FGD5: variants seen among roughly 807,000 people sequenced by gnomAD.
FGD5 encodes the protein FYVE, RhoGEF and PH domain-containing protein 5.
A neutral mutation model predicts 133.4 loss-of-function variants in FGD5; 28 were observed. The ratio of observed to expected loss-of-function variants is 0.21; its 90% CI spans 0.16 to 0.29. The LOEUF is 0.29. Among genes scored for constraint, FGD5 ranks in the 10% least tolerant of loss-of-function variants. The pLI, the probability that FGD5 is intolerant of heterozygous loss-of-function variation, is 1.00. For synonymous variants in FGD5, 810 were observed against 776.5 expected, an observed-to-expected ratio of 1.04 and a Z score of -0.72; for missense variants, 1,858 against 1,895.2, an observed-to-expected ratio of 0.98 and a Z score of 0.36.
intron 18 of FGD5, 137 bp downstream of exon 18, chr3:14,926,335 T>C: frequency 9.1e-7 from 1 of 1,103,630 alleles, no homozygotes; most frequent in Non-Finnish European, 1.3e-6. Flanking sequence ...AAGTCTTTAG[T>C]GAGCAATGCC....
At position 14,820,474 on chromosome 3, in the gene FGD5, G is replaced by A; in HGVS notation, c.1403G>A (p.Gly468Asp). 1 of 1,613,976 alleles carries A rather than the reference G, an allele frequency of 6.2e-7. No homozygotes were observed. Among genetic ancestry groups the A allele is most frequent in the South Asian group, 1.1e-5 (1 of 91,088 alleles). The change falls in exon 1 of 20, where the codon GGT becomes GAT. Residue 468 changes from glycine (G) to aspartate (D), a missense_variant. By Grantham distance (94) the Gly-to-Asp change is moderately conservative. This residue lies in a region of FGD5 where 1,824 missense variants were observed against 1,848.9 expected (regional missense o/e 0.99). Transcript: ENST00000285046. ...GAAGAATTGAACTGTGAGGCAGAGG[G>A]TGGCCTGGTTCCCGCGGACAGGAAG... Reference protein sequence around the residue: ...SKEELNCEAEGGLVPADRKNT... With the variant: ...SKEELNCEAEDGLVPADRKNT...
At chr3:14,862,753 T>TA (rs1458029805) in intron 1 of FGD5, among the ~76,000 whole-genome samples, 1 of 152,182 alleles carries the variant, frequency 6.6e-6, no homozygotes, top group Non-Finnish European at 1.5e-5. Context: ...TTTGCCTCTG[T>TA]ACACAAGTGT....
intron 1 of FGD5, among the ~76,000 whole-genome samples, chr3:14,812,197 G>A (rs1239230249): frequency 6.6e-6 from 1 of 152,172 alleles, no homozygotes; most frequent in Non-Finnish European, 1.5e-5. Context: ...CAGGCCCCTG[G>A]ACAGTTAGTG....
intron 1 of FGD5, among the ~76,000 whole-genome samples, chr3:14,854,128 CAG>C (rs1393841936): frequency 3.9e-5 from 6 of 151,940 alleles, no homozygotes; most frequent in African/African-American, 1.5e-4. Context: ...AGGTAAGAAA[CAG>C]AGAGGTTGAG....
rs764605423 is a variant in FGD5 at position 14,923,162 on chromosome 3, G to A, written c.3924G>A (p.Pro1308=). ...GELKKRGRAV[P]GLMRERPVSM... is the part of the protein sequence containing the mutation. Reference sequence around the variant, plus strand: ...TGAAGAAGCGGGGCAGGGCTGTCCCGGGCCTGATGAGAGGTAACCTGGGGA... The same window carrying A: ...TGAAGAAGCGGGGCAGGGCTGTCCCAGGCCTGATGAGAGGTAACCTGGGGA... Residue 1308 remains proline (P), a synonymous_variant, in exon 16 of 20, where the codon CCG becomes CCA. Coordinates refer to ENST00000285046, the MANE Select transcript of FGD5 (RefSeq NM_152536.4). 5.0e-5 allele frequency: 80 copies of A among 1,612,962 alleles called. No homozygotes were observed. Among genetic ancestry groups the A allele is most frequent in the Non-Finnish European group, 6.5e-5 (77 of 1,179,662 alleles).
At chr3:14,815,094 G>A (rs1365231759), upstream of FGD5, among the ~76,000 whole-genome samples, 1 of 152,124 alleles carries the variant, frequency 6.6e-6, no homozygotes, top group Non-Finnish European at 1.5e-5. Context: ...TAGCCAGAAT[G>A]TGCATGTCCC....
At position 14,910,911 on chromosome 3, in the gene FGD5, G is replaced by A. The variant is rs1575251664; in HGVS notation, c.3387G>A (p.Arg1129=). 6.2e-7 allele frequency: 1 copy of A among 1,612,946 alleles called. No individual in the cohort carries two copies. The highest frequency in any genetic ancestry group is 8.5e-7 in the Non-Finnish European group (1 of 1,179,488). Residue 1129 remains arginine, a synonymous_variant, in exon 11 of 20, where the codon CGG becomes CGA. Coordinates refer to ENST00000285046, the MANE Select transcript of FGD5 (RefSeq NM_152536.4). ...TGAAAGTAACAGGGAAAAACAGACG[G>A]CCCCGGCACCTATTTCTGGTAAGTG... The part of the protein sequence containing the change: ...TLMKVTGKNR[R]PRHLFLMNDV...
chr3:14,906,410 G>C (rs1366912094), intron 9 of FGD5, among the ~76,000 whole-genome samples: 2 of 152,188 alleles, frequency 1.3e-5, no homozygotes, highest in African/African-American at 4.8e-5. Flanking sequence ...CCCCGTCCTA[G>C]GGTGCAGCTT....
upstream of FGD5, chr3:14,818,867 G>A (rs1464471369): frequency 1.7e-5 from 23 of 1,346,700 alleles, no homozygotes; most frequent in South Asian, 1.5e-4. Flanking sequence ...AACCATCTGT[G>A]GCGTCCCCTG....
At chr3:14,858,556 A>G (rs1248048792) in intron 1 of FGD5, among the ~76,000 whole-genome samples, 1 of 152,228 alleles carries the variant, frequency 6.6e-6, no homozygotes, top group African/African-American at 2.4e-5. Flanking sequence ...GAGAGACTAT[A>G]GACACTGTAC....
chr3:14,898,157 G>C, intron 6 of FGD5, 62 bp downstream of exon 6: 3 of 1,600,052 alleles, frequency 1.9e-6, no homozygotes, highest in Non-Finnish European at 2.6e-6. Flanking sequence ...TGGGCGAAGG[G>C]CTTAATGCAA....
At chr3:14,887,256 C>G (rs1189729307) in intron 4 of FGD5, among the ~76,000 whole-genome samples, 1 of 152,174 alleles carries the variant, frequency 6.6e-6, no homozygotes, top group African/African-American at 2.4e-5. Flanking sequence ...GGGCAAAGAG[C>G]TGGACCCGTA....
At chr3:14,893,755 T>TTC (rs1036207465) in intron 4 of FGD5, among the ~76,000 whole-genome samples, 112 of 134,900 alleles carry the variant, frequency 8.3e-4, no homozygotes, top group Middle Eastern at 7.4e-3. Flanking sequence ...CTTTTTTCTT[T>TTC]TTTTTTTTTT....
intron 4 of FGD5, among the ~76,000 whole-genome samples, chr3:14,891,298 C>T (rs955743534): frequency 1.3e-5 from 2 of 152,182 alleles, no homozygotes; most frequent in Non-Finnish European, 2.9e-5. Context: ...CAGAATTACC[C>T]ACCACCTCCA....
intron 4 of FGD5, among the ~76,000 whole-genome samples, chr3:14,884,715 T>TA (rs2037891175): frequency 6.6e-6 from 1 of 152,152 alleles, no homozygotes; most frequent in Admixed American, 6.5e-5. Context: ...CTGGAAGACT[T>TA]AAAGACCGGG....
intron 1 of FGD5, among the ~76,000 whole-genome samples, chr3:14,828,381 C>G (rs535492750): frequency 6.6e-6 from 1 of 152,276 alleles, no homozygotes; most frequent in South Asian, 2.1e-4. Context: ...AAATAAGACT[C>G]CAATGAAAAT....
At chr3:14,910,324 A>G (rs2038422918) in intron 10 of FGD5, among the ~76,000 whole-genome samples, 1 of 152,188 alleles carries the variant, frequency 6.6e-6, no homozygotes, top group Admixed American at 6.6e-5. Context: ...TCCTTAAATC[A>G]TACTTAATTT....
intron 12 of FGD5, among the ~76,000 whole-genome samples, chr3:14,918,405 G>T (rs1559505643): frequency 6.6e-6 from 1 of 152,234 alleles, no homozygotes; most frequent in Non-Finnish European, 1.5e-5. Context: ...ATGGAGGTTT[G>T]TTCCCTTTTG....
chr3:14,894,030 T>C (rs1488224054), intron 4 of FGD5, among the ~76,000 whole-genome samples: 1 of 152,174 alleles, frequency 6.6e-6, no homozygotes, highest in African/African-American at 2.4e-5. Flanking sequence ...AGTGCTGGGA[T>C]TACAGGTGTG....
Sources: allele counts gnomAD v4.1 joint callset (sites outside exome capture counted in the v4.1 genomes callset), GRCh38; gene constraint gnomAD v4.1.1; regional missense constraint gnomAD v4.1.1; transcripts MANE v1.5; gene names NCBI Gene and HGNC (gene_info 2026-07-23, HGNC 2026-07-21).